The following ZNF345 variants were observed in gnomAD, a reference collection of about 807,000 sequenced individuals.
ZNF345 encodes the protein zinc finger protein 345.
For missense variants in ZNF345, 527 were observed against 589.9 expected (o/e 0.89, Z 1.10); for synonymous variants, 166 against 187.9 (o/e 0.88, Z 0.95).
intron 2 of ZNF345, among the ~76,000 whole-genome samples, chr19:36,864,425 G>A (rs925420128): frequency 1.2e-4 from 18 of 152,116 alleles, no homozygotes; most frequent in South Asian, 4.1e-4. Flanking sequence ...TGAGGTGGGA[G>A]GATGGCTTCA....
intron 3 of ZNF345, among the ~76,000 whole-genome samples, chr19:36,884,919 G>C (rs936242670): frequency 6.6e-6 from 1 of 152,114 alleles, no homozygotes; most frequent in Non-Finnish European, 1.5e-5. Context: ...ATGGGTATCT[G>C]TATTGTTTCT....
intron 2 of ZNF345, among the ~76,000 whole-genome samples, chr19:36,869,747 T>A: frequency 6.6e-6 from 1 of 151,592 alleles, no homozygotes. Flanking sequence ...TGGTTTCTTT[T>A]CTCTTGGATC....
chr19:36,887,679 A>G (rs1016697653), intron 3 of ZNF345, among the ~76,000 whole-genome samples: 1 of 152,214 alleles, frequency 6.6e-6, no homozygotes, highest in Non-Finnish European at 1.5e-5. Flanking sequence ...CAAAAGGAAC[A>G]CACGTAGAGC....
At chr19:36,853,365 C>T (rs1317983750) in intron 2 of ZNF345, among the ~76,000 whole-genome samples, 1 of 151,422 alleles carries the variant, frequency 6.6e-6, no homozygotes, top group Admixed American at 6.6e-5. Flanking sequence ...TGTCCTGCCT[C>T]AGCCTCCCAA....
At position 36,876,850 on chromosome 19, in the gene ZNF345, ACAGCATTGAGTGTT is replaced by A; in HGVS notation, c.23_36del (p.Ser8LysfsTer5). On this transcript the variant is annotated frameshift_variant, in exon 3 of 3. Transcript: ENST00000420450. LOFTEE classifies it low-confidence loss of function (END_TRUNC). ...AAGGATATGGAAAACCTTACAAAAC[ACAGCATTGAGTGTT>A]CAAGTTTCAGAGGTGATTGGGAATG... 1 of 1,602,254 alleles carries A rather than the reference ACAGCATTGAGTGTT, an allele frequency of 6.2e-7. No homozygotes were observed. The highest frequency in any genetic ancestry group is 8.5e-7 in the Non-Finnish European group (1 of 1,174,614).
At position 36,877,241 on chromosome 19, in the gene ZNF345, G is replaced by A. The variant is rs2072901441; in HGVS notation, c.411G>A (p.Gln137=). Residue 137 remains glutamine (Q), a synonymous_variant, in exon 3 of 3, where the codon CAG becomes CAA. Transcript: ENST00000420450. ...FGSGSNLTHH[Q]RIHTGEKPYE... ...GTGGCTCAAACCTTACTCACCATCA[G>A]AGAATTCATACTGGTGAGAAACCCT... The A allele has an allele frequency of 6.2e-7, 1 of 1,614,004 alleles. No individual in the cohort carries two copies. The highest frequency in any genetic ancestry group is 1.1e-5 in the South Asian group (1 of 91,072).
intron 2 of ZNF345, among the ~76,000 whole-genome samples, chr19:36,875,382 G>A (rs965973814): frequency 1.4e-4 from 21 of 152,172 alleles, no homozygotes; most frequent in Admixed American, 6.5e-5. Flanking sequence ...AGTGGATATA[G>A]GGGGACATTT....
intron 2 of ZNF345, among the ~76,000 whole-genome samples, chr19:36,875,075 G>A (rs1467042278): frequency 6.6e-6 from 1 of 152,056 alleles, no homozygotes; most frequent in African/African-American, 2.4e-5. Flanking sequence ...ATGTACCAGA[G>A]TTCAAGTTGA....
At chr19:36,870,852 G>A (rs1039537821) in intron 2 of ZNF345, among the ~76,000 whole-genome samples, 2 of 151,992 alleles carry the variant, frequency 1.3e-5, no homozygotes, top group African/African-American at 4.8e-5. Flanking sequence ...ATTAAATATG[G>A]AGACTCATTT....
chr19:36,852,737 A>G (rs1292017721), intron 2 of ZNF345, among the ~76,000 whole-genome samples: 1 of 152,150 alleles, frequency 6.6e-6, no homozygotes, highest in Non-Finnish European at 1.5e-5. Flanking sequence ...CTCCACATCC[A>G]TGCTAGACAT....
chr19:36,863,353 A>G (rs1412802545), intron 2 of ZNF345, among the ~76,000 whole-genome samples: 4 of 152,204 alleles, frequency 2.6e-5, no homozygotes, highest in African/African-American at 9.7e-5. Flanking sequence ...TGCCCTTTGC[A>G]CTACTCCAGA....
In ZNF345 at chr19:36,877,739, G is replaced by T. The variant is rs777383548; in HGVS notation, c.909G>T (p.Gln303His). The T allele has an allele frequency of 4.3e-6, 7 of 1,611,944 alleles. No homozygotes were observed. The highest frequency in any genetic ancestry group is 5.9e-6 in the Non-Finnish European group (7 of 1,179,304). The change falls in exon 3 of 3, where the codon CAG becomes CAT. Residue 303 changes from glutamine (Q) to histidine (H), a missense_variant. Physicochemically the swap from Gln to His is conservative, Grantham distance 24. Transcript: ENST00000420450. ...KAFNSGSDLT[Q>H]HQRIHTGEKP... is the part of the protein sequence containing the mutation. ...TTAATAGTGGCTCAGATCTCACTCA[G>T]CATCAGAGAATTCACACTGGTGAGA...
At chr19:36,856,018 A>T (rs1318651762) in intron 2 of ZNF345, among the ~76,000 whole-genome samples, 1 of 152,210 alleles carries the variant, frequency 6.6e-6, no homozygotes, top group Non-Finnish European at 1.5e-5. Flanking sequence ...TTAACCTGTG[A>T]AGAAGAGATA....
At position 36,868,745 on chromosome 19, in the gene ZNF345, G is replaced by C. The variant is rs571595260; in HGVS notation, c.-46-8040G>C. Among the ~76,000 whole-genome samples the C allele has an allele frequency of 2.0e-5, 3 of 150,980 alleles. No individual in the cohort carries two copies. The South Asian group carries it at 6.3e-4, about 32-fold the overall frequency. On this transcript the variant is annotated intron_variant, in intron 2 of 2. Coordinates refer to ENST00000420450, the MANE Select transcript of ZNF345 (RefSeq NM_001242472.2). ...GGTTCTAACAATTCTCCTGCCTCAG[G>C]CTCCCGAGTAGCTGGGATTACAGGT...
downstream of ZNF345, chr19:36,893,053 GT>G (rs1357528970): frequency 2.5e-6 from 1 of 399,422 alleles, no homozygotes; most frequent in East Asian, 3.6e-5. Flanking sequence ...GATACTGTAT[GT>G]TTTGCAATTC....
rs994035989 is a variant in ZNF345, at chr19:36,867,833, A to G, written c.-46-8952A>G. Among the ~76,000 whole-genome samples the G allele has an allele frequency of 4.6e-5, 7 of 152,042 alleles. 1 individual carries two copies. The highest frequency in any genetic ancestry group is 1.7e-4 in the African/African-American group (7 of 41,390). On this transcript the variant is annotated intron_variant, in intron 2 of 2. Coordinates refer to ENST00000420450, the MANE Select transcript of ZNF345 (RefSeq NM_001242472.2). ...ATTTCTGGATTTTCAGTTTTATTCCATTAGTTTACAAGTCTGTTCTTAGGC... is the reference window on the plus strand; with the variant it reads ...ATTTCTGGATTTTCAGTTTTATTCCGTTAGTTTACAAGTCTGTTCTTAGGC...
At chr19:36,861,763 T>C (rs1274083345) in intron 2 of ZNF345, among the ~76,000 whole-genome samples, 1 of 152,020 alleles carries the variant, frequency 6.6e-6, no homozygotes, top group African/African-American at 2.4e-5. Context: ...GTTTTCAGCA[T>C]GTTGGCCAGG....
chr19:36,883,218 A>C (rs960356881), downstream of ZNF345, among the ~76,000 whole-genome samples: 1 of 152,176 alleles, frequency 6.6e-6, no homozygotes, highest in Non-Finnish European at 1.5e-5. Flanking sequence ...ATTTCTATGA[A>C]ATCACCTTTT....
At chr19:36,867,924 T>G (rs1015195217) in intron 2 of ZNF345, among the ~76,000 whole-genome samples, 3 of 152,032 alleles carry the variant, frequency 2.0e-5, no homozygotes, top group Admixed American at 6.6e-5. Context: ...GAGTCCTACC[T>G]TTTCATTTTC....
Sources: allele counts gnomAD v4.1 joint callset (sites outside exome capture counted in the v4.1 genomes callset), GRCh38; gene constraint gnomAD v4.1.1; transcripts MANE v1.5; gene names NCBI Gene and HGNC (gene_info 2026-07-23, HGNC 2026-07-21).